The following RBFOX1 variants were observed in gnomAD, a reference collection of about 807,000 sequenced individuals.
RBFOX1 encodes RNA binding fox-1 homolog 1.
A neutral mutation model predicts 57.7 loss-of-function variants in RBFOX1; 8 were observed. The observed-to-expected ratio is 0.14, with a 90% CI of 0.08 to 0.25. The LOEUF (loss-of-function observed/expected upper bound fraction) is 0.25. Among genes scored for constraint, RBFOX1 ranks in the 10% least tolerant of loss-of-function variants. RBFOX1 has a pLI of 1.00. For missense variants in RBFOX1, 611 were observed against 548.5 expected, an observed-to-expected ratio of 1.11 and a Z score of -1.14; for synonymous variants, 326 against 222.4, an observed-to-expected ratio of 1.47 and a Z score of -4.15.
intron 1 of RBFOX1, among the ~76,000 whole-genome samples, chr16:6,152,739 T>A (rs1444803892): frequency 6.6e-6 from 1 of 152,138 alleles, no homozygotes; most frequent in Non-Finnish European, 1.5e-5. Context: ...CACAGACCCA[T>A]AACTCAAGCC....
intron 14 of RBFOX1, among the ~76,000 whole-genome samples, chr16:7,703,837 T>A (rs551995276): frequency 9.2e-5 from 14 of 152,320 alleles, no homozygotes; most frequent in Admixed American, 8.5e-4. Context: ...AAATTAGATC[T>A]CAACTCCAAA....
Position 7,052,056 on chromosome 16 carries a change from G to T in RBFOX1, c.-15-1G>T. 1 of 1,612,280 alleles carries T rather than the reference G, an allele frequency of 6.2e-7. No individual in the cohort carries two copies. Among genetic ancestry groups the T allele is most frequent in the African/African-American group, 1.3e-5 (1 of 74,930 alleles). ...TCCCCTTCATTTTCTTTTCTTTCTA[G>T]GTTTCAAGACAACAGATGAATTGTG... On this transcript the variant is annotated splice_acceptor_variant, in intron 3 of 15. Transcript: ENST00000550418. LOFTEE classifies it low-confidence loss of function (5UTR_SPLICE).
chr16:6,083,522 G>T (rs530575164), intron 1 of RBFOX1, among the ~76,000 whole-genome samples: 1 of 152,246 alleles, frequency 6.6e-6, no homozygotes, highest in Admixed American at 6.5e-5. Context: ...TCTTGCCCAG[G>T]CTGGAGGGCA....
chr16:5,786,194 A>G lies in RBFOX1; in HGVS notation c.319-81109A>G, dbSNP rs145860280. 3.9e-5 allele frequency among the ~76,000 whole-genome samples: 6 copies of G among 152,150 alleles called. No homozygotes were observed. The East Asian group carries it at 1.2e-3, about 29-fold the overall frequency. ...TCCACTGTGTTCTCTCTGCCCTTCA[A>G]ATGAAGTATGCATAGTCTTTCTCAC... On this transcript the variant is annotated intron_variant, in intron 3 of 19. Transcript: ENST00000641259.
Position 5,500,661 on chromosome 16 carries a change from C to T in RBFOX1, c.258+33407C>T, listed in dbSNP as rs2043162318. On this transcript the variant is annotated intron_variant, in intron 2 of 2. Coordinates refer to the RBFOX1 transcript ENST00000585867. ...ATCCAGACACACCATCCTCAGCCAG[C>T]AGCCTCAGTGTATGGGTCCCAACAT... Among the ~76,000 whole-genome samples, 5 of 152,312 alleles carry T rather than the reference C, an allele frequency of 3.3e-5. No individual in the cohort carries two copies. The South Asian group carries it at 1.0e-3, about 32-fold the overall frequency.
exon 3 of RBFOX1, chr16:5,599,634 C>T: frequency 5.3e-6 from 1 of 188,486 alleles, no homozygotes; most frequent in Non-Finnish European, 1.1e-5. Context: ...CAGACTGTTG[C>T]TGTTTGGTAT....
At chr16:6,855,306 C>G (rs565230624) in intron 3 of RBFOX1, among the ~76,000 whole-genome samples, 1 of 151,970 alleles carries the variant, frequency 6.6e-6, no homozygotes, top group Non-Finnish European at 1.5e-5. Context: ...TCTGAGATAG[C>G]CAAGAAAAAG....
At chr16:7,016,148 A>G (rs2093899875) in intron 3 of RBFOX1, among the ~76,000 whole-genome samples, 1 of 152,120 alleles carries the variant, frequency 6.6e-6, no homozygotes, top group Non-Finnish European at 1.5e-5. Context: ...GTGAGACACC[A>G]CCAGACATGA....
At chr16:6,572,380 G>C (rs146594564) in intron 2 of RBFOX1, among the ~76,000 whole-genome samples, 1 of 152,094 alleles carries the variant, frequency 6.6e-6, no homozygotes, top group Non-Finnish European at 1.5e-5. Flanking sequence ...GTTGAAGAAC[G>C]TTTTAAATCT....
At chr16:5,313,281 A>C (rs1567319768) in intron 1 of RBFOX1, among the ~76,000 whole-genome samples, 3 of 152,246 alleles carry the variant, frequency 2.0e-5, no homozygotes, top group African/African-American at 7.2e-5. Context: ...GGGAGGTCTC[A>C]AATCATGGCA....
At chr16:7,390,348 A>G (rs562051962) in intron 4 of RBFOX1, among the ~76,000 whole-genome samples, 2 of 152,278 alleles carry the variant, frequency 1.3e-5, no homozygotes, top group East Asian at 3.9e-4. Flanking sequence ...AATAAGTAGG[A>G]CTTGATCCAA....
At chr16:6,845,252 G>GT (rs2093694350) in intron 3 of RBFOX1, among the ~76,000 whole-genome samples, 1 of 151,690 alleles carries the variant, frequency 6.6e-6, no homozygotes, top group Non-Finnish European at 1.5e-5. Flanking sequence ...ATCCTTGCCC[G>GT]TACCTGTGTC....
At chr16:6,863,423 C>T (rs544680351) in intron 3 of RBFOX1, among the ~76,000 whole-genome samples, 4 of 151,928 alleles carry the variant, frequency 2.6e-5, no homozygotes, top group African/African-American at 4.8e-5. Context: ...TAGAAAAGGC[C>T]CATAATGGAA....
chr16:6,260,138 A>G (rs1393489582), intron 1 of RBFOX1, among the ~76,000 whole-genome samples: 2 of 152,114 alleles, frequency 1.3e-5, no homozygotes, highest in Admixed American at 6.5e-5. Flanking sequence ...CATTGCCTCT[A>G]CAGAAATCTG....
At chr16:6,198,091 A>G (rs951079359) in intron 1 of RBFOX1, among the ~76,000 whole-genome samples, 1 of 152,148 alleles carries the variant, frequency 6.6e-6, no homozygotes, top group East Asian at 1.9e-4. Flanking sequence ...TTGTCTACAT[A>G]TTCACCTGGT....
chr16:7,476,037 C>A (rs1324595717), intron 4 of RBFOX1, among the ~76,000 whole-genome samples: 1 of 151,694 alleles, frequency 6.6e-6, no homozygotes, highest in Non-Finnish European at 1.5e-5. Context: ...TCGATCATGG[C>A]TCACTGCAGC....
intron 2 of RBFOX1, among the ~76,000 whole-genome samples, chr16:5,556,915 C>G (rs574569003): frequency 1.3e-5 from 2 of 152,300 alleles, no homozygotes; most frequent in Non-Finnish European, 2.9e-5. Context: ...AGGCAAGAAA[C>G]TCCTTCAGCT....
At chr16:7,271,778 G>T (rs9924851) in intron 4 of RBFOX1, among the ~76,000 whole-genome samples, 6 of 151,690 alleles carry the variant, frequency 4.0e-5, no homozygotes, top group African/African-American at 1.2e-4. Context: ...CCATAGCTAA[G>T]GGTCTCTTAG....
chr16:6,303,846 G>A (rs938696341), intron 1 of RBFOX1, among the ~76,000 whole-genome samples: 1 of 116,452 alleles, frequency 8.6e-6, no homozygotes, highest in Non-Finnish European at 1.6e-5. Context: ...GAGTCTCACT[G>A]TGTCACCAAT....
Sources: allele counts gnomAD v4.1 joint callset (sites outside exome capture counted in the v4.1 genomes callset), GRCh38; gene constraint gnomAD v4.1.1; transcripts MANE v1.5; gene names NCBI Gene and HGNC (gene_info 2026-07-23, HGNC 2026-07-21).